The following SPIDR variants were observed in gnomAD, a reference collection of about 807,000 sequenced individuals.
The protein encoded by SPIDR is scaffold protein involved in DNA repair, also known as DNA repair-scaffolding protein.
Under a neutral mutation model 104.6 loss-of-function variants are expected in SPIDR, and 93 were observed. The ratio of observed to expected loss-of-function variants is 0.89; its 90% CI spans 0.75 to 1.06. The LOEUF (loss-of-function observed/expected upper bound fraction) is 1.06. SPIDR is among the 50% of genes least tolerant of loss of function. The pLI is 0.00. For synonymous variants in SPIDR, 431 were observed against 416.9 expected, an observed-to-expected ratio of 1.03 and a Z score of -0.41; for missense variants, 1,154 against 1,111.2, an observed-to-expected ratio of 1.04 and a Z score of -0.55.
At chr8:47,614,213 T>A (rs1003865609) in intron 10 of SPIDR, among the ~76,000 whole-genome samples, 1 of 149,682 alleles carries the variant, frequency 6.7e-6, no homozygotes, top group African/African-American at 2.5e-5. Flanking sequence ...CGTTCCTTCT[T>A]TTTTTTTTTA....
At chr8:47,609,491 T>A (rs995308452) in intron 10 of SPIDR, among the ~76,000 whole-genome samples, 3 of 150,644 alleles carry the variant, frequency 2.0e-5, no homozygotes, top group African/African-American at 7.2e-5. Context: ...GTAGTCTTTA[T>A]ATTTTATTTA....
chr8:47,661,250 CTG>C (rs1312006276), intron 10 of SPIDR, among the ~76,000 whole-genome samples: 3 of 152,198 alleles, frequency 2.0e-5, no homozygotes. Flanking sequence ...TCCTACTTCT[CTG>C]TGAGATATTT....
At position 47,712,810 on chromosome 8, in the gene SPIDR, T is replaced by C. The variant is rs535069366; in HGVS notation, c.2126T>C (p.Leu709Pro). 1 of 1,614,022 alleles carries C rather than the reference T, an allele frequency of 6.2e-7. No homozygotes were observed. Among genetic ancestry groups the C allele is most frequent in the African/African-American group, 1.3e-5 (1 of 74,912 alleles). The change falls in exon 15 of 20, where the codon CTG (leucine) becomes CCG (proline). Residue 709 changes from leucine to proline, a missense_variant. Transcript: ENST00000297423. ...APLCVLGSEV[L>P]EALAGAAPHS... Reference sequence around the variant, plus strand: ...TTGTGTGTGCTGGGCTCTGAAGTCCTGGAGGCACTCGCTGGGGCTGCCCCT... The same window carrying C: ...TTGTGTGTGCTGGGCTCTGAAGTCCCGGAGGCACTCGCTGGGGCTGCCCCT...
At chr8:47,660,464 GA>G in intron 10 of SPIDR, 7 of 985,398 alleles carry the variant, frequency 7.1e-6, no homozygotes, top group Non-Finnish European at 8.4e-6. Flanking sequence ...TCATGGCTCA[GA>G]AATGCACAGA....
chr8:47,410,395 G>C (rs2063345128), intron 7 of SPIDR, among the ~76,000 whole-genome samples: 1 of 151,888 alleles, frequency 6.6e-6, no homozygotes, highest in Non-Finnish European at 1.5e-5. Context: ...TGGGCAAGCT[G>C]ATCTCGAACT....
chr8:47,734,468 T>C (rs930646452), intron 19 of SPIDR, among the ~76,000 whole-genome samples: 1 of 152,112 alleles, frequency 6.6e-6, no homozygotes, highest in African/African-American at 2.4e-5. Flanking sequence ...CATGACACCA[T>C]AACGATGGGA....
At chr8:47,372,799 G>A (rs184043084) in intron 5 of SPIDR, among the ~76,000 whole-genome samples, 5 of 152,106 alleles carry the variant, frequency 3.3e-5, no homozygotes, top group Admixed American at 3.3e-4. Flanking sequence ...ATGGTGATTG[G>A]GCTTCTAGTG....
intron 5 of SPIDR, among the ~76,000 whole-genome samples, chr8:47,314,443 G>T (rs1013403612): frequency 2.6e-5 from 4 of 152,192 alleles, no homozygotes; most frequent in African/African-American, 9.6e-5. Flanking sequence ...AAGGAAAGAG[G>T]TTTAATTGAC....
intron 10 of SPIDR, chr8:47,660,769 T>C: frequency 5.1e-6 from 1 of 194,420 alleles, no homozygotes; most frequent in Non-Finnish European, 9.4e-6. Context: ...CTCAAGCACC[T>C]TCCTGTGAGC....
intron 8 of SPIDR, among the ~76,000 whole-genome samples, chr8:47,559,406 T>C (rs2056788043): frequency 6.6e-6 from 1 of 152,158 alleles, no homozygotes; most frequent in African/African-American, 2.4e-5. Flanking sequence ...AAACAGAAGG[T>C]TTGCACAGTC....
intron 8 of SPIDR, among the ~76,000 whole-genome samples, chr8:47,500,167 C>A (rs1288482931): frequency 5.9e-5 from 9 of 152,062 alleles, no homozygotes; most frequent in African/African-American, 7.2e-5. Flanking sequence ...GAGTAATGGG[C>A]TGGCTGGGTC....
At chr8:47,562,818 C>T (rs555802226) in intron 8 of SPIDR, among the ~76,000 whole-genome samples, 47 of 152,266 alleles carry the variant, frequency 3.1e-4, no homozygotes, top group African/African-American at 1.1e-3. Context: ...CTGTCCCACC[C>T]TTCATCCCCG....
At chr8:47,608,925 C>T (rs936686656) in intron 10 of SPIDR, among the ~76,000 whole-genome samples, 8 of 152,208 alleles carry the variant, frequency 5.3e-5, no homozygotes, top group African/African-American at 1.9e-4. Flanking sequence ...GACGGGGTTT[C>T]ACCATGTTGG....
intron 10 of SPIDR, among the ~76,000 whole-genome samples, chr8:47,645,059 C>T (rs2070050021): frequency 6.6e-6 from 1 of 152,186 alleles, no homozygotes; most frequent in African/African-American, 2.4e-5. Context: ...GTTTAGACTT[C>T]ATTCCAAGGA....
At chr8:47,352,740 A>G (rs13280591) in intron 5 of SPIDR, among the ~76,000 whole-genome samples, 4 of 152,144 alleles carry the variant, frequency 2.6e-5, no homozygotes, top group Non-Finnish European at 5.9e-5. Context: ...GAAAAGGAGG[A>G]TGGCAAAAAC....
intron 10 of SPIDR, 158 bp from the exon 11 acceptor site, chr8:47,673,642 CT>C (rs201473718): frequency 6.2e-3 from 5,414 of 875,942 alleles, no homozygotes; most frequent in Middle Eastern, 7.3e-3. Context: ...CAGTGGATTT[CT>C]TTTTTTTTTC....
At chr8:47,596,381 C>T (rs1284551420) in intron 9 of SPIDR, among the ~76,000 whole-genome samples, 1 of 152,176 alleles carries the variant, frequency 6.6e-6, no homozygotes, top group African/African-American at 2.4e-5. Flanking sequence ...TACTACACAC[C>T]TAGGCTATAT....
intron 11 of SPIDR, among the ~76,000 whole-genome samples, chr8:47,678,804 A>C (rs2076752738): frequency 6.6e-6 from 1 of 152,180 alleles, no homozygotes; most frequent in Non-Finnish European, 1.5e-5. Flanking sequence ...AGAATGAGCC[A>C]ATTGAGAAGC....
At chr8:47,264,770 G>A (rs7843245) in intron 1 of SPIDR, among the ~76,000 whole-genome samples, 2,001 of 151,922 alleles carry the variant, frequency 0.013, 55 homozygotes, top group African/African-American at 0.045. Flanking sequence ...TTGAGTTGTC[G>A]TTTCTTTATA....
Sources: allele counts gnomAD v4.1 joint callset (sites outside exome capture counted in the v4.1 genomes callset), GRCh38; gene constraint gnomAD v4.1.1; transcripts MANE v1.5; gene names NCBI Gene and HGNC (gene_info 2026-07-23, HGNC 2026-07-21).